The following DAB1 variants were observed in gnomAD, a reference collection of about 807,000 sequenced individuals.
DAB1 encodes the protein disabled homolog 1.
Under a neutral mutation model 64.6 loss-of-function variants are expected in DAB1, and 15 were observed. The observed-to-expected ratio is 0.23, with a 90% confidence interval of 0.16 to 0.36. The LOEUF (loss-of-function observed/expected upper bound fraction) is 0.36. DAB1 is among the 10% of genes least tolerant of loss of function. DAB1 has a pLI of 1.00. For synonymous variants in DAB1, 235 were observed against 251.9 expected (o/e 0.93, Z 0.64); for missense variants, 596 against 706.7 (o/e 0.84, Z 1.78).
rs1367266934 is a variant in DAB1, at chr1:58,329,125, CA to C, written n.309+14226del. 2.0e-5 allele frequency among the ~76,000 whole-genome samples: 3 copies of C among 152,216 alleles called. No homozygotes were observed. The East Asian group carries it at 5.8e-4, about 29-fold the overall frequency. ...TATTCTTTGTGTATTTTTCTTACTA[CA>C]AAAGTAATAGAGGATAAGTGCAGAA... On this transcript the variant is annotated intron_variant and non_coding_transcript_variant, in intron 4 of 20. Transcript: ENST00000485760.
At chr1:57,809,044 A>C (rs544712303) in intron 6 of DAB1, among the ~76,000 whole-genome samples, 2 of 152,332 alleles carry the variant, frequency 1.3e-5, no homozygotes, top group East Asian at 3.9e-4. Context: ...TGAACCTACA[A>C]ACAGAGAAGC....
chr1:57,751,832 C>CTTAATAAATAAA (rs1244999501), intron 6 of DAB1, among the ~76,000 whole-genome samples: 1 of 106,940 alleles, frequency 9.4e-6, no homozygotes, highest in East Asian at 2.9e-4. Flanking sequence ...CTATTCTTTA[C>CTTAATAAATAAA]TTAATAAATA....
chr1:57,092,221 G>A (rs1333249430), intron 4 of DAB1, among the ~76,000 whole-genome samples: 12 of 152,160 alleles, frequency 7.9e-5, no homozygotes, highest in East Asian at 1.9e-4. Context: ...TACTTCCTGC[G>A]TTTCAAGCAC....
At chr1:58,077,149 C>G (rs1649704994) in intron 5 of DAB1, among the ~76,000 whole-genome samples, 1 of 152,124 alleles carries the variant, frequency 6.6e-6, no homozygotes, top group Non-Finnish European at 1.5e-5. Flanking sequence ...AAAACAATAA[C>G]AATGATAATG....
At chr1:57,060,799 C>T (rs1417630818) in intron 9 of DAB1, among the ~76,000 whole-genome samples, 1 of 151,516 alleles carries the variant, frequency 6.6e-6, no homozygotes, top group African/African-American at 2.4e-5. Flanking sequence ...GGAGAGGGGA[C>T]CTTCAGGCAG....
At chr1:58,398,795 T>C (rs1001991110) in intron 3 of DAB1, among the ~76,000 whole-genome samples, 3 of 152,180 alleles carry the variant, frequency 2.0e-5, no homozygotes, top group African/African-American at 7.2e-5. Context: ...TGCAGTTCTT[T>C]ACTGGCTATA....
intron 3 of DAB1, among the ~76,000 whole-genome samples, chr1:58,357,843 C>G (rs188076352): frequency 2.0e-5 from 3 of 152,242 alleles, no homozygotes; most frequent in Admixed American, 2.0e-4. Context: ...AAGGAGGAAC[C>G]TGTAAAGGAG....
Position 57,883,760 on chromosome 1 carries a change from G to A in DAB1, n.87+239C>T, listed in dbSNP as rs570700348. ...AACCCTGAATGGAACCACACAGGAG[G>A]GGGACAAAGGCATGCGCCTTTCAGT... On this transcript the variant is annotated intron_variant and non_coding_transcript_variant, in intron 1 of 1. Transcript: ENST00000477280. Among the ~76,000 whole-genome samples the A allele has an allele frequency of 1.1e-4, 17 of 152,282 alleles. No individual in the cohort carries two copies. The East Asian group carries it at 3.3e-3, about 29-fold the overall frequency.
chr1:57,018,251 A>T (rs943339203), intron 11 of DAB1, among the ~76,000 whole-genome samples: 13 of 152,192 alleles, frequency 8.5e-5, no homozygotes, highest in African/African-American at 3.1e-4. Flanking sequence ...GCAGTGCCTG[A>T]CATCCCTGAC....
At chr1:57,314,710 G>A (rs954302968) in intron 1 of DAB1, among the ~76,000 whole-genome samples, 2 of 151,474 alleles carry the variant, frequency 1.3e-5, no homozygotes, top group African/African-American at 4.9e-5. Flanking sequence ...TTGAGCTCAG[G>A]AGTCCCAGGC....
chr1:57,391,272 A>C (rs1012777383), intron 1 of DAB1, among the ~76,000 whole-genome samples: 1 of 152,206 alleles, frequency 6.6e-6, no homozygotes, highest in African/African-American at 2.4e-5. Context: ...AAACACACTC[A>C]AAGATGTATG....
At chr1:57,655,231 G>A (rs139493347) in intron 6 of DAB1, among the ~76,000 whole-genome samples, 137 of 151,680 alleles carry the variant, frequency 9.0e-4, no homozygotes, top group African/African-American at 2.8e-3. Context: ...CTACATATCC[G>A]TCCATCCATC....
chr1:57,897,306 T>A (rs1270529619), intron 5 of DAB1, among the ~76,000 whole-genome samples: 1 of 152,210 alleles, frequency 6.6e-6, no homozygotes, highest in Non-Finnish European at 1.5e-5. Flanking sequence ...TGTTTAATTA[T>A]TTCTGATGAA....
At chr1:57,899,642 T>G (rs1303156728) in intron 5 of DAB1, among the ~76,000 whole-genome samples, 2 of 151,816 alleles carry the variant, frequency 1.3e-5, no homozygotes, top group African/African-American at 2.4e-5. Context: ...TCAGACTCCA[T>G]CAAACAACAA....
chr1:57,653,890 C>T (rs1264398536), intron 6 of DAB1, among the ~76,000 whole-genome samples: 1 of 152,200 alleles, frequency 6.6e-6, no homozygotes, highest in African/African-American at 2.4e-5. Context: ...GGATTACAGG[C>T]CTGAGCCACT....
chr1:57,735,730 G>A (rs1209377189), intron 6 of DAB1, among the ~76,000 whole-genome samples: 1 of 135,248 alleles, frequency 7.4e-6, no homozygotes, highest in African/African-American at 2.8e-5. Flanking sequence ...CTTGACTTTT[G>A]TTCACAAAAT....
At chr1:57,349,046 C>G (rs755358024) in intron 1 of DAB1, among the ~76,000 whole-genome samples, 4 of 152,168 alleles carry the variant, frequency 2.6e-5, no homozygotes, top group Non-Finnish European at 5.9e-5. Context: ...ACCTCTCATT[C>G]TAAAGCCCAC....
chr1:58,367,592 C>T (rs376160116), intron 3 of DAB1, among the ~76,000 whole-genome samples: 1 of 152,168 alleles, frequency 6.6e-6, no homozygotes, highest in South Asian at 2.1e-4. Context: ...TAGCCAGCTA[C>T]TTGGTGGCAA....
chr1:57,440,621 A>T (rs1685904934), intron 7 of DAB1, among the ~76,000 whole-genome samples: 1 of 152,140 alleles, frequency 6.6e-6, no homozygotes, highest in Non-Finnish European at 1.5e-5. Context: ...GGATGTTACC[A>T]AAGGATGCTA....
Sources: gnomAD v4.1 joint callset for allele counts (sites outside exome capture counted in the v4.1 genomes callset) on GRCh38, gnomAD v4.1.1 for gene constraint, MANE v1.5 for transcripts, NCBI Gene and HGNC (gene_info 2026-07-23, HGNC 2026-07-21) for gene names.